OR2C1: variants seen among roughly 807,000 people sequenced by gnomAD.
The protein encoded by OR2C1 is olfactory receptor family 2 subfamily C member 1, also known as olfactory receptor 2C1.
For missense variants in OR2C1, 468 were observed against 388.3 expected (o/e 1.21, Z -1.73); for synonymous variants, 209 against 167.3 (o/e 1.25, Z -1.92).
At chr16:3,355,086 G>A (rs759117173), upstream of OR2C1, among the ~76,000 whole-genome samples, 29 of 151,974 alleles carry the variant, frequency 1.9e-4, no homozygotes, top group East Asian at 7.7e-4. Flanking sequence ...CTTCATTTCC[G>A]TGTTAGCTCA....
the OR2C1 span, among the ~76,000 whole-genome samples, chr16:3,325,460 AATATATATATATATATATATATATAT>A: frequency 0.11 from 10,523 of 93,222 alleles, 695 homozygotes; most frequent in East Asian, 0.29. Flanking sequence ...TATGTCTAAA[AATATATATATATATATATATATATAT>A]ATATATATAT....
chr16:3,329,594 T>C, the OR2C1 span, among the ~76,000 whole-genome samples: 3 of 150,996 alleles, frequency 2.0e-5, no homozygotes, highest in South Asian at 2.1e-4. Context: ...GGACTACAGA[T>C]GCCCGCCACC....
At chr16:3,344,323 G>T in the OR2C1 span, among the ~76,000 whole-genome samples, 1 of 152,088 alleles carries the variant, frequency 6.6e-6, no homozygotes, top group Admixed American at 6.6e-5. Context: ...TACAGAAGGA[G>T]AAATAAAAAT....
the OR2C1 span, among the ~76,000 whole-genome samples, chr16:3,343,581 G>A: frequency 1.5e-4 from 23 of 152,088 alleles, no homozygotes; most frequent in Non-Finnish European, 2.4e-4. Context: ...GTGAATCCCC[G>A]TCTCTACTAA....
the OR2C1 span, among the ~76,000 whole-genome samples, chr16:3,324,256 G>A: frequency 6.6e-6 from 1 of 151,900 alleles, no homozygotes; most frequent in Non-Finnish European, 1.5e-5. Flanking sequence ...CAGTTGCCCG[G>A]TCTCGGCTCA....
chr16:3,335,654 G>A, the OR2C1 span, among the ~76,000 whole-genome samples: 2 of 149,716 alleles, frequency 1.3e-5, no homozygotes, highest in African/African-American at 2.5e-5. Flanking sequence ...AGCCTCCCCA[G>A]TAGCTGGGAT....
At chr16:3,326,257 G>A in the OR2C1 span, among the ~76,000 whole-genome samples, 1 of 152,006 alleles carries the variant, frequency 6.6e-6, no homozygotes, top group African/African-American at 2.4e-5. Flanking sequence ...GACAGCCTGG[G>A]ACGCCGAGAA....
At chr16:3,351,573 G>T (rs116181118), upstream of OR2C1, among the ~76,000 whole-genome samples, 3,257 of 152,116 alleles carry the variant, frequency 0.021, 125 homozygotes, top group African/African-American at 0.074. Context: ...TAGGACCTAT[G>T]TCCTCCTTCT....
chr16:3,346,262 C>T, the OR2C1 span, among the ~76,000 whole-genome samples: 2 of 152,050 alleles, frequency 1.3e-5, no homozygotes, highest in African/African-American at 2.4e-5. Flanking sequence ...GACTATATCC[C>T]AAGTGACTAA....
At chr16:3,326,304 GTCTT>G in the OR2C1 span, among the ~76,000 whole-genome samples, 2 of 151,882 alleles carry the variant, frequency 1.3e-5, no homozygotes, top group African/African-American at 4.8e-5. Flanking sequence ...GCAAAATGAT[GTCTT>G]TCTTTCGGAA....
chr16:3,350,666 C>T, the OR2C1 span, among the ~76,000 whole-genome samples: 1 of 151,688 alleles, frequency 6.6e-6, no homozygotes, highest in Admixed American at 6.6e-5. Context: ...CCGCCTCGGC[C>T]TCCCAAAGTG....
In OR2C1 at chr16:3,356,150, C is replaced by A; in HGVS notation, c.210C>A (p.Asp70Glu). The A allele has an allele frequency of 6.2e-7, 1 of 1,614,208 alleles. No homozygotes were observed. The highest frequency in any genetic ancestry group is 8.5e-7 in the Non-Finnish European group (1 of 1,180,046). ...YFFLSNLSSL[D>E]LAFATSSVPQ... is the part of the protein sequence containing the mutation. ...TCCTCAGCAACCTCTCCTCCTTGGA[C>A]CTTGCTTTCGCTACTAGTTCAGTCC... The change falls in exon 1 of 1, where the codon GAC (aspartate) becomes GAA (glutamate). Residue 70 changes from aspartate (D) to glutamate (E), a missense_variant. Transcript: ENST00000304936.
At chr16:3,351,550 T>C (rs2030574532), upstream of OR2C1, among the ~76,000 whole-genome samples, 2 of 152,232 alleles carry the variant, frequency 1.3e-5, no homozygotes, top group Admixed American at 1.3e-4. Flanking sequence ...TCTCCCGTCT[T>C]GGCCATACTT....
the OR2C1 span, among the ~76,000 whole-genome samples, chr16:3,333,331 A>C: frequency 7.3e-6 from 1 of 136,502 alleles, no homozygotes; most frequent in Admixed American, 7.8e-5. Context: ...TTCTTTTTTT[A>C]TTTTATTTTA....
the OR2C1 span, among the ~76,000 whole-genome samples, chr16:3,336,977 G>A: frequency 2.6e-5 from 4 of 150,950 alleles, no homozygotes; most frequent in African/African-American, 9.7e-5. Context: ...CAAAGTGCTG[G>A]GATTACAGGC....
chr16:3,325,463 ATATATATATATATATATATATAT>A, the OR2C1 span, among the ~76,000 whole-genome samples: 22 of 79,300 alleles, frequency 2.8e-4, no homozygotes, highest in African/African-American at 7.4e-4. Context: ...GTCTAAAAAT[ATATATATATATATATATATATAT>A]ATATATATAT....
At chr16:3,348,983 C>T in the OR2C1 span, among the ~76,000 whole-genome samples, 1 of 151,986 alleles carries the variant, frequency 6.6e-6, no homozygotes, top group African/African-American at 2.4e-5. Context: ...TCAAAAATAG[C>T]AACTTCCTCC....
At chr16:3,323,127 A>G in the OR2C1 span, 14 of 549,682 alleles carry the variant, frequency 2.5e-5, no homozygotes, top group East Asian at 5.4e-4. Flanking sequence ...ATCTCAAAAA[A>G]ACAAAAACAC....
the OR2C1 span, among the ~76,000 whole-genome samples, chr16:3,345,092 A>G: frequency 6.8e-4 from 103 of 152,172 alleles, no homozygotes; most frequent in African/African-American, 2.4e-3. Context: ...CATTAGAAAC[A>G]TGAAACTAAA....
Sources: gnomAD v4.1 joint callset for allele counts (sites outside exome capture counted in the v4.1 genomes callset) on GRCh38, gnomAD v4.1.1 for gene constraint, MANE v1.5 for transcripts, NCBI Gene and HGNC (gene_info 2026-07-23, HGNC 2026-07-21) for gene names.